Variants in FLOT1 observed in about 807,000 individuals in gnomAD.
FLOT1 encodes flotillin 1.
In FLOT1, 40 loss-of-function variants were observed where a neutral mutation model predicts 58.4. The observed-to-expected ratio is 0.69, with a 90% CI of 0.53 to 0.89. The LOEUF is 0.89. FLOT1 is among the 40% of genes least tolerant of loss of function. The pLI is 0.00. For synonymous variants in FLOT1, 178 were observed against 204.2 expected, an observed-to-expected ratio of 0.87 and a Z score of 1.09; for missense variants, 423 against 540.8, an observed-to-expected ratio of 0.78 and a Z score of 2.16.
In FLOT1 at chr6:30,741,163, C is replaced by G. The variant is rs755764704; in HGVS notation, c.354+27G>C. 2 of 1,611,726 alleles carry G rather than the reference C, an allele frequency of 1.2e-6. No individual in the cohort carries two copies. Among genetic ancestry groups the G allele is most frequent in the Non-Finnish European group, 1.7e-6 (2 of 1,179,546 alleles). ...GGCCCCCCTCATTTTGACATCCTTC[C>G]AGATGGTTCCCTGCCCCTAGGCCAA... On this transcript the variant is annotated intron_variant, in intron 5 of 12. Transcript: ENST00000376389. The surrounding 1 kb of genome is among the most constrained non-coding windows in gnomAD (Gnocchi z 5.9).
At chr6:30,734,180 A>T (rs74723472) in intron 8 of FLOT1, among the ~76,000 whole-genome samples, 11,227 of 151,552 alleles carry the variant, frequency 0.074, 672 homozygotes, top group African/African-American at 0.16. Flanking sequence ...TTATGTTTCA[A>T]TGTATATATT....
At chr6:30,736,277 G>C (rs1777557998) in intron 8 of FLOT1, 1 of 151,810 alleles carries the variant, frequency 6.6e-6, no homozygotes. Context: ...GAAGAAAGAA[G>C]AGAAGAGAAG....
At chr6:30,732,800 C>T (rs1231947353) in intron 8 of FLOT1, among the ~76,000 whole-genome samples, 2 of 152,154 alleles carry the variant, frequency 1.3e-5, no homozygotes, top group African/African-American at 2.4e-5. Context: ...GCTCTGGAGA[C>T]GGCACTCTGT....
chr6:30,741,285 T>C lies in FLOT1; in HGVS notation c.259A>G (p.Met87Val). Residue 87 changes from methionine (M) to valine (V), a missense_variant, in exon 5 of 13, where the codon ATG (methionine) becomes GTG (valine). Around this residue, in one of 6 missense-constraint regions of FLOT1, gnomAD observed 91 missense variants for 118.3 expected, o/e 0.77. Transcript: ENST00000376389. The surrounding 1 kb of genome is among the most constrained non-coding windows in gnomAD (Gnocchi z 5.9). ...NKEMLAAACQMFLGKTEAEIA... is the reference protein window; with the variant it reads ...NKEMLAAACQVFLGKTEAEIA... ...TCAGCCTCCGTCTTCCCCAGGAACA[T>C]CTGACAGGCGGCCGCCAACATCTCC... The C allele has an allele frequency of 6.2e-7, 1 of 1,613,060 alleles. No homozygotes were observed.
chr6:30,728,243 G>A, intron 12 of FLOT1, 98 bp from the exon 13 acceptor site: 1 of 976,232 alleles, frequency 1.0e-6, no homozygotes, highest in South Asian at 1.3e-5. Flanking sequence ...GCTATAGGCA[G>A]AACACACACG....
chr6:30,739,773 C>T (rs1230590046), intron 8 of FLOT1, among the ~76,000 whole-genome samples: 1 of 152,172 alleles, frequency 6.6e-6, no homozygotes, highest in East Asian at 1.9e-4. Context: ...AGCAATCCTC[C>T]TGCCTCATAC....
rs1435776582 is a variant in FLOT1 at position 30,730,204 on chromosome 6, C to A, written c.1090-18G>T. ...TCTGCCACCTGGCAGGAGAGAGACA[C>A]CCACTCAGTGCCCATGATCTGACCA... On this transcript the variant is annotated intron_variant, in intron 11 of 12. Coordinates refer to ENST00000376389, the MANE Select transcript of FLOT1 (RefSeq NM_005803.4). 1 of 1,612,304 alleles carries A rather than the reference C, an allele frequency of 6.2e-7. No individual in the cohort carries two copies. Among genetic ancestry groups the A allele is most frequent in the African/African-American group, 1.3e-5 (1 of 74,884 alleles).
At chr6:30,731,607 G>C (rs3909184) in intron 8 of FLOT1, among the ~76,000 whole-genome samples, 11,238 of 151,300 alleles carry the variant, frequency 0.074, 667 homozygotes, top group African/African-American at 0.16. Context: ...TTTTTCCCAC[G>C]TGTGCCCCCT....
intron 8 of FLOT1, among the ~76,000 whole-genome samples, chr6:30,732,249 A>G (rs1048478942): frequency 2.6e-5 from 4 of 152,148 alleles, no homozygotes; most frequent in African/African-American, 4.8e-5. Context: ...GATTACAGGC[A>G]TGAGCCATCG....
At chr6:30,731,172 T>G in intron 8 of FLOT1, 72 bp from the exon 9 acceptor site, 1 of 1,445,698 alleles carries the variant, frequency 6.9e-7, no homozygotes, top group South Asian at 1.3e-5. Flanking sequence ...GAACCAGAGC[T>G]CCAGAGTGGG....
chr6:30,732,267 C>A (rs2284172), intron 8 of FLOT1, among the ~76,000 whole-genome samples: 4,233 of 152,230 alleles, frequency 0.028, 113 homozygotes, highest in East Asian at 0.091. Flanking sequence ...TCGCACCCAG[C>A]CTAGATTTCA....
At chr6:30,735,377 T>C (rs1777492301) in intron 8 of FLOT1, among the ~76,000 whole-genome samples, 1 of 151,206 alleles carries the variant, frequency 6.6e-6, no homozygotes, top group Non-Finnish European at 1.5e-5. Flanking sequence ...ATTGTGAGGC[T>C]GAGGTGGATG....
Position 30,741,496 on chromosome 6 carries a change from G to A in FLOT1, c.210+118C>T, listed in dbSNP as rs542813639. The A allele has an allele frequency of 8.1e-7, 1 of 1,241,026 alleles. No homozygotes were observed. The highest frequency in any genetic ancestry group is 1.5e-5 in the African/African-American group (1 of 67,366). 76.9% of individuals were successfully genotyped at this position (1,241,026 alleles called of 1,614,324 possible). A position where few individuals can be genotyped will look rare whatever the true frequency, so the allele number is the denominator to read the frequency against. On this transcript the variant is annotated intron_variant, in intron 4 of 12. Transcript: ENST00000376389. The surrounding 1 kb of genome is among the most constrained non-coding windows in gnomAD (Gnocchi z 5.9). The stretch of plus-strand genomic sequence containing the variant: ...GGGGTGCCTGGAAAAGATGAGACTA[G>A]CAGAGGAACTTCTCTGCAGGCAAGG...
At chr6:30,728,213 G>T in intron 12 of FLOT1, 68 bp from the exon 13 acceptor site, 4 of 1,441,544 alleles carry the variant, frequency 2.8e-6, no homozygotes, top group Non-Finnish European at 3.9e-6. Context: ...ACTCTCCCGG[G>T]CCCCAGTTTA....
chr6:30,732,206 T>C (rs915668935), intron 8 of FLOT1, among the ~76,000 whole-genome samples: 1 of 152,096 alleles, frequency 6.6e-6, no homozygotes, highest in Non-Finnish European at 1.5e-5. Flanking sequence ...TGATCTCAAG[T>C]GATCCATCCG....
At chr6:30,732,433 C>T (rs1214710409) in intron 8 of FLOT1, among the ~76,000 whole-genome samples, 2 of 151,856 alleles carry the variant, frequency 1.3e-5, no homozygotes, top group African/African-American at 4.8e-5. Context: ...CTCACTGCAG[C>T]CTTGACCTGC....
intron 8 of FLOT1, among the ~76,000 whole-genome samples, chr6:30,734,522 T>C (rs1179355133): frequency 6.6e-6 from 1 of 152,112 alleles, no homozygotes; most frequent in African/African-American, 2.4e-5. Flanking sequence ...TTAGCCAGGA[T>C]GGTCTCGATC....
rs1778045857 is a variant in FLOT1 at position 30,742,201 on chromosome 6, G to C, written c.-12C>G. 5.0e-6 allele frequency: 8 copies of C among 1,612,970 alleles called. No homozygotes were observed. Among genetic ancestry groups the C allele is most frequent in the Non-Finnish European group, 6.8e-6 (8 of 1,179,952 alleles). On this transcript the variant is annotated splice_region_variant and 5_prime_UTR_variant, in exon 2 of 13. Transcript: ENST00000376389. The surrounding 1 kb of genome is among the most constrained non-coding windows in gnomAD (Gnocchi z 5.2). The stretch of plus-strand genomic sequence containing the variant: ...CAAGTGAAAAACATGGTTCAGGCTG[G>C]AGCTGGAGGAGAGGGAGGGAAAGCC...
At position 30,741,147 on chromosome 6, in the gene FLOT1, C is replaced by T. The variant is rs1361436704; in HGVS notation, c.354+43G>A. On this transcript the variant is annotated intron_variant, in intron 5 of 12. Coordinates refer to ENST00000376389, the MANE Select transcript of FLOT1 (RefSeq NM_005803.4). This position sits in a 1 kb window ranked among gnomAD's most constrained non-coding sequence, Gnocchi z 5.9. ...ACTAGTGTGGGCCTTGGGCCCCCCT[C>T]ATTTTGACATCCTTCCAGATGGTTC... 1.2e-6 allele frequency: 2 copies of T among 1,607,566 alleles called. No homozygotes were observed. The highest frequency in any genetic ancestry group is 2.7e-5 in the African/African-American group (2 of 74,784).
Sources: gnomAD v4.1 joint callset for allele counts (sites outside exome capture counted in the v4.1 genomes callset) on GRCh38, gnomAD v4.1.1 for gene constraint, gnomAD v4.1.1 regional missense constraint, Gnocchi (gnomAD v3.1) non-coding constraint, MANE v1.5 for transcripts, NCBI Gene and HGNC (gene_info 2026-07-23, HGNC 2026-07-21) for gene names.